Variants in ASB4 observed in about 807,000 individuals in gnomAD.
ASB4 encodes ankyrin repeat and SOCS box protein 4.
ASB4 carries 35 observed loss-of-function variants against 38.6 expected under a neutral mutation model. That is an observed-to-expected ratio of 0.91 (90% CI 0.69 to 1.20). The LOEUF is 1.20. Among genes scored for constraint, ASB4 ranks in the 50% most tolerant of loss-of-function variants. The pLI is 0.00. For missense variants in ASB4, 557 were observed against 527.2 expected, an observed-to-expected ratio of 1.06 and a Z score of -0.55; for synonymous variants, 195 against 201.3, an observed-to-expected ratio of 0.97 and a Z score of 0.26.
the ASB4 span, among the ~76,000 whole-genome samples, chr7:95,549,946 T>C: frequency 3.9e-5 from 6 of 152,142 alleles, no homozygotes; most frequent in African/African-American, 1.4e-4. Context: ...TGTTAATCTG[T>C]GTTATCTTAG....
intron 2 of ASB4, among the ~76,000 whole-genome samples, chr7:95,515,229 CTTTTT>C (rs1790550735): frequency 2.6e-4 from 22 of 83,132 alleles, no homozygotes; most frequent in South Asian, 3.9e-4. Context: ...TTCTTTCTTT[CTTTTT>C]CTTTCTTTCT....
At chr7:95,511,891 T>C (rs902722085) in intron 2 of ASB4, among the ~76,000 whole-genome samples, 2 of 152,236 alleles carry the variant, frequency 1.3e-5, no homozygotes, top group African/African-American at 4.8e-5. Flanking sequence ...GGTGCTGCCT[T>C]CCCTTTGCTA....
intron 2 of ASB4, among the ~76,000 whole-genome samples, chr7:95,523,487 C>G (rs1183337432): frequency 6.6e-6 from 1 of 152,084 alleles, no homozygotes; most frequent in African/African-American, 2.4e-5. Flanking sequence ...CTCTAATAAT[C>G]AAATGAATTC....
At chr7:95,499,673 C>G (rs1790302755) in intron 2 of ASB4, among the ~76,000 whole-genome samples, 2 of 152,062 alleles carry the variant, frequency 1.3e-5, no homozygotes, top group Admixed American at 6.6e-5. Context: ...ATAAGAAGAG[C>G]ATGATTGCTG....
chr7:95,483,729 T>C (rs1790043194), upstream of ASB4, among the ~76,000 whole-genome samples: 1 of 152,170 alleles, frequency 6.6e-6, no homozygotes, highest in Non-Finnish European at 1.5e-5. Flanking sequence ...GGCAGGGATT[T>C]CTGTGTTTGT....
chr7:95,503,049 A>AT, intron 2 of ASB4, among the ~76,000 whole-genome samples: 1 of 152,314 alleles, frequency 6.6e-6, no homozygotes, highest in Admixed American at 6.5e-5. Flanking sequence ...GTATAGATGT[A>AT]TTTTTCTGAA....
intron 1 of ASB4, among the ~76,000 whole-genome samples, chr7:95,480,320 T>C (rs993038252): frequency 6.6e-6 from 1 of 152,318 alleles, no homozygotes; most frequent in East Asian, 1.9e-4. Flanking sequence ...GATTTTAACA[T>C]GCTTTCTTTG....
At chr7:95,528,350 C>T in intron 3 of ASB4, 47 bp downstream of exon 3, 1 of 1,610,336 alleles carries the variant, frequency 6.2e-7, no homozygotes, top group Non-Finnish European at 8.5e-7. Flanking sequence ...ATTCAAATGG[C>T]AGCCTTGTCT....
intron 2 of ASB4, among the ~76,000 whole-genome samples, chr7:95,498,739 T>A (rs1337128378): frequency 6.6e-6 from 1 of 152,154 alleles, no homozygotes; most frequent in Non-Finnish European, 1.5e-5. Context: ...AGCAAAAAAT[T>A]TGTTTCATAT....
At chr7:95,531,048 A>C (rs1257936237) in intron 3 of ASB4, among the ~76,000 whole-genome samples, 30 of 152,192 alleles carry the variant, frequency 2.0e-4, no homozygotes, top group Admixed American at 1.6e-3. Flanking sequence ...ATGCCTTGGC[A>C]ATGCGATGCA....
intron 2 of ASB4, among the ~76,000 whole-genome samples, chr7:95,505,233 G>A (rs1562814091): frequency 1.3e-5 from 2 of 152,100 alleles, no homozygotes; most frequent in Non-Finnish European, 2.9e-5. Context: ...CAATTAAATG[G>A]TTACAACTAG....
At chr7:95,497,769 T>C (rs1401068393) in intron 2 of ASB4, among the ~76,000 whole-genome samples, 1 of 152,174 alleles carries the variant, frequency 6.6e-6, no homozygotes, top group African/African-American at 2.4e-5. Flanking sequence ...GTCATATACA[T>C]TAAAATATAA....
At chr7:95,545,787 A>T in the ASB4 span, among the ~76,000 whole-genome samples, 1 of 152,188 alleles carries the variant, frequency 6.6e-6, no homozygotes, top group African/African-American at 2.4e-5. Flanking sequence ...TAGGATTAAA[A>T]ACTACCAAAG....
At chr7:95,502,859 G>GA (rs1005493645) in intron 2 of ASB4, among the ~76,000 whole-genome samples, 5 of 152,104 alleles carry the variant, frequency 3.3e-5, no homozygotes, top group African/African-American at 1.2e-4. Context: ...AAAATTGCTT[G>GA]ATTCCTATTT....
At chr7:95,502,596 G>A (rs1293440383) in intron 2 of ASB4, among the ~76,000 whole-genome samples, 3 of 152,102 alleles carry the variant, frequency 2.0e-5, no homozygotes, top group Admixed American at 2.0e-4. Context: ...TGGGGAGAAA[G>A]AAAAAGAAAG....
At chr7:95,511,265 C>T (rs2116615864) in intron 2 of ASB4, among the ~76,000 whole-genome samples, 1 of 152,246 alleles carries the variant, frequency 6.6e-6, no homozygotes, top group Non-Finnish European at 1.5e-5. Flanking sequence ...CCGAGAGCCA[C>T]CAAGAAGTGA....
intron 1 of ASB4, among the ~76,000 whole-genome samples, chr7:95,488,147 CTG>C (rs1790118831): frequency 1.3e-5 from 2 of 152,190 alleles, no homozygotes; most frequent in Non-Finnish European, 2.9e-5. Context: ...AGAGACCATC[CTG>C]CCTAACACGG....
chr7:95,535,361 C>A (rs186698133), intron 3 of ASB4, among the ~76,000 whole-genome samples: 17 of 152,322 alleles, frequency 1.1e-4, no homozygotes, highest in Admixed American at 9.1e-4. Context: ...TGCCTCTCTT[C>A]TAATGCCTCA....
At chr7:95,530,825 A>G (rs1329375835) in intron 3 of ASB4, among the ~76,000 whole-genome samples, 1 of 152,188 alleles carries the variant, frequency 6.6e-6, no homozygotes, top group Non-Finnish European at 1.5e-5. Flanking sequence ...CTTTCAGAGA[A>G]TAACTCTGAG....
Sources: gnomAD v4.1 joint callset for allele counts (sites outside exome capture counted in the v4.1 genomes callset) on GRCh38, gnomAD v4.1.1 for gene constraint, MANE v1.5 for transcripts, NCBI Gene and HGNC (gene_info 2026-07-23, HGNC 2026-07-21) for gene names.